SHISA6: variants seen among roughly 807,000 people sequenced by gnomAD.
The protein encoded by SHISA6 is shisa family member 6, also known as protein shisa-6.
A neutral mutation model predicts 47.9 loss-of-function variants in SHISA6; 22 were observed. The observed-to-expected ratio is 0.46, with a 90% CI of 0.33 to 0.66. The LOEUF is 0.66. SHISA6 is among the 30% of genes least tolerant of loss of function. The probability of loss-of-function intolerance (pLI) is 0.02; values close to 1 mark genes in which losing one functional copy is unlikely to be tolerated. For synonymous variants in SHISA6, 388 were observed against 337.8 expected (o/e 1.15, Z -1.63); for missense variants, 680 against 764.6 (o/e 0.89, Z 1.30).
intron 1 of SHISA6, among the ~76,000 whole-genome samples, chr17:11,242,819 AT>A (rs1907422453): frequency 6.6e-6 from 1 of 152,144 alleles, no homozygotes; most frequent in Non-Finnish European, 1.5e-5. Context: ...AGCTCAAACT[AT>A]GGCAGTCCCT....
chr17:11,405,871 C>G (rs557979610), intron 3 of SHISA6, among the ~76,000 whole-genome samples: 1 of 152,092 alleles, frequency 6.6e-6, no homozygotes, highest in Non-Finnish European at 1.5e-5. Context: ...ACACCAGAGT[C>G]GGTCTGTGAT....
At chr17:11,266,288 C>A (rs1001217059) in intron 2 of SHISA6, among the ~76,000 whole-genome samples, 3 of 152,178 alleles carry the variant, frequency 2.0e-5, no homozygotes, top group Admixed American at 6.5e-5. Context: ...CAACAGGCAT[C>A]AGAGCATATG....
At chr17:11,427,028 A>G (rs370651809) in intron 3 of SHISA6, among the ~76,000 whole-genome samples, 1 of 152,174 alleles carries the variant, frequency 6.6e-6, no homozygotes, top group East Asian at 1.9e-4. Flanking sequence ...TAAATTAGAA[A>G]TGTGCCCCAG....
intron 4 of SHISA6, among the ~76,000 whole-genome samples, chr17:11,554,100 A>G (rs1487660075): frequency 2.0e-5 from 3 of 152,194 alleles, no homozygotes; most frequent in Non-Finnish European, 4.4e-5. Context: ...TGTTGAGAGT[A>G]TAATGCCAAC....
intron 2 of SHISA6, among the ~76,000 whole-genome samples, chr17:11,297,811 G>A (rs555463934): frequency 6.6e-6 from 1 of 152,320 alleles, no homozygotes; most frequent in Admixed American, 6.5e-5. Flanking sequence ...CCTAAATGAA[G>A]TGGGGAGATA....
chr17:11,380,601 G>A (rs1464180201), intron 3 of SHISA6: 2 of 152,146 alleles, frequency 1.3e-5, no homozygotes, highest in Non-Finnish European at 2.9e-5. Flanking sequence ...GGGATTGCTG[G>A]TCCCCACATC....
At chr17:11,253,611 G>A (rs1012981924) in intron 1 of SHISA6, among the ~76,000 whole-genome samples, 4 of 152,064 alleles carry the variant, frequency 2.6e-5, no homozygotes, top group Non-Finnish European at 4.4e-5. Flanking sequence ...TGTCTGTTTC[G>A]TTGATAGGGA....
intron 3 of SHISA6, among the ~76,000 whole-genome samples, chr17:11,404,953 A>G (rs958949692): frequency 6.6e-6 from 1 of 152,196 alleles, no homozygotes; most frequent in African/African-American, 2.4e-5. Flanking sequence ...GCCTCCCTCC[A>G]TTCCCTGATT....
intron 4 of SHISA6, 44 bp downstream of exon 4, chr17:11,551,996 AG>A: frequency 6.5e-7 from 1 of 1,536,852 alleles, no homozygotes. Context: ...CCTTATTTCG[AG>A]TGGCACCATT....
At chr17:11,243,766 C>A (rs1358432707) in intron 1 of SHISA6, among the ~76,000 whole-genome samples, 1 of 152,206 alleles carries the variant, frequency 6.6e-6, no homozygotes, top group East Asian at 1.9e-4. Flanking sequence ...TCTCCTCTTC[C>A]CCTTCCCCTG....
intron 3 of SHISA6, among the ~76,000 whole-genome samples, chr17:11,468,165 C>T (rs3095671): frequency 0.093 from 14,063 of 151,874 alleles, 971 homozygotes; most frequent in African/African-American, 0.19. Context: ...CCTCCTGGTG[C>T]CCATTCCACC....
rs567912118 is a variant in SHISA6 at position 11,269,540 on chromosome 17, G to A, written c.799+6014G>A. 2.6e-5 allele frequency among the ~76,000 whole-genome samples: 4 copies of A among 152,302 alleles called. No homozygotes were observed. In the South Asian group the frequency reaches 8.3e-4, roughly 32 times the overall value. The stretch of plus-strand genomic sequence containing the variant: ...GGCTTGGAAGCCCAGGCAACCCAGA[G>A]AGTCCCTGTTCCCAGGGACAGGTTT... On this transcript the variant is annotated intron_variant, in intron 2 of 5. Coordinates refer to ENST00000441885, the MANE Select transcript of SHISA6 (RefSeq NM_207386.4).
intron 3 of SHISA6, among the ~76,000 whole-genome samples, chr17:11,459,104 A>C (rs1351068840): frequency 2.0e-5 from 3 of 151,642 alleles, no homozygotes; most frequent in Non-Finnish European, 2.9e-5. Flanking sequence ...CTGTGGTCCC[A>C]GCTACTCGGG....
chr17:11,449,226 G>A (rs767112803), intron 3 of SHISA6, among the ~76,000 whole-genome samples: 18 of 152,078 alleles, frequency 1.2e-4, no homozygotes, highest in African/African-American at 3.9e-4. Flanking sequence ...CACACTGCCC[G>A]AGCTCAGGAG....
At chr17:11,426,042 G>A (rs1036549112) in intron 3 of SHISA6, among the ~76,000 whole-genome samples, 4 of 152,118 alleles carry the variant, frequency 2.6e-5, no homozygotes, top group Non-Finnish European at 5.9e-5. Flanking sequence ...TAAGAGTAAG[G>A]GTGAGTGTTA....
At chr17:11,508,203 C>T (rs188451180) in intron 3 of SHISA6, among the ~76,000 whole-genome samples, 3 of 152,318 alleles carry the variant, frequency 2.0e-5, no homozygotes, top group African/African-American at 7.2e-5. Context: ...CTTAGTCATT[C>T]GTGCTGCTGT....
At chr17:11,333,814 C>T (rs1461459997) in intron 2 of SHISA6, among the ~76,000 whole-genome samples, 1 of 152,114 alleles carries the variant, frequency 6.6e-6, no homozygotes, top group Non-Finnish European at 1.5e-5. Flanking sequence ...GAGGGTGGAT[C>T]ACCTGAGGTC....
chr17:11,543,496 G>C (rs1322060448), intron 3 of SHISA6, among the ~76,000 whole-genome samples: 1 of 152,052 alleles, frequency 6.6e-6, no homozygotes, highest in Non-Finnish European at 1.5e-5. Context: ...CCACGTTTAG[G>C]GATTGGAAGA....
At chr17:11,452,964 TCTC>T (rs1447756075) in intron 3 of SHISA6, among the ~76,000 whole-genome samples, 3 of 145,942 alleles carry the variant, frequency 2.1e-5, no homozygotes, top group African/African-American at 7.7e-5. Context: ...CTCATCCTCT[TCTC>T]CTCCTCTTCT....
Sources: allele counts gnomAD v4.1 joint callset (sites outside exome capture counted in the v4.1 genomes callset), GRCh38; gene constraint gnomAD v4.1.1; transcripts MANE v1.5; gene names NCBI Gene and HGNC (gene_info 2026-07-23, HGNC 2026-07-21).